The following SLC4A7 variants were observed in gnomAD, a reference collection of about 807,000 sequenced individuals.
SLC4A7 encodes sodium bicarbonate cotransporter 3.
SLC4A7 carries 51 observed loss-of-function variants against 137.6 expected under a neutral mutation model. The ratio of observed to expected loss-of-function variants is 0.37; its 90% CI spans 0.30 to 0.47. The LOEUF (loss-of-function observed/expected upper bound fraction) is 0.47, where lower values mean the gene tolerates loss of function less well. Ranked by LOEUF, SLC4A7 falls within the 20% of genes least tolerant of loss-of-function variation. The pLI is 1.00. For synonymous variants in SLC4A7, 542 were observed against 518.6 expected (o/e 1.05, Z -0.61); for missense variants, 1,247 against 1,525.4 (o/e 0.82, Z 3.04).
intron 14 of SLC4A7, 49 bp from the exon 15 acceptor site, chr3:27,403,433 T>C: frequency 7.3e-7 from 1 of 1,365,488 alleles, no homozygotes; most frequent in Admixed American, 2.4e-5. Flanking sequence ...TGGAATAGTA[T>C]TTGTACCTAA....
chr3:27,435,795 C>T lies in SLC4A7; in HGVS notation c.589+593G>A, dbSNP rs563188529. ...GACGGAGACTGCAGTAAGCCAAGAT[C>T]GTGCCACTGCACTCCATCCAGCCTG... On this transcript the variant is annotated intron_variant, in intron 5 of 25. Coordinates refer to ENST00000454389, the MANE Select transcript of SLC4A7 (RefSeq NM_001321103.2). 4.0e-4 allele frequency among the ~76,000 whole-genome samples: 61 copies of T among 152,240 alleles called. 1 individual carries two copies. The South Asian group carries it at 8.7e-3, about 22-fold the overall frequency.
chr3:27,399,444 T>C (rs2052533200), intron 16 of SLC4A7, among the ~76,000 whole-genome samples: 1 of 152,154 alleles, frequency 6.6e-6, no homozygotes, highest in South Asian at 2.1e-4. Flanking sequence ...TTTCTTTTAT[T>C]TGTTTTTAGA....
chr3:27,456,651 A>T (rs2058428653), intron 1 of SLC4A7: 1 of 1,581,022 alleles, frequency 6.3e-7, no homozygotes, highest in African/African-American at 1.3e-5. Context: ...AGGTACATAC[A>T]GGTAACTTCT....
At chr3:27,392,230 A>G (rs1264552570) in intron 20 of SLC4A7, among the ~76,000 whole-genome samples, 1 of 152,240 alleles carries the variant, frequency 6.6e-6, no homozygotes, top group East Asian at 1.9e-4. Context: ...ATTAAGCAGT[A>G]GCCTTTACTG....
chr3:27,376,825 ACACT>A lies in SLC4A7; in HGVS notation c.3715_3718del (p.Ser1239Ter). On this transcript the variant is annotated frameshift_variant, in exon 26 of 26. Coordinates refer to ENST00000454389, the MANE Select transcript of SLC4A7 (RefSeq NM_001321103.2). LOFTEE classifies it high-confidence loss of function. ...TGGTTCATCTTCAAAACTTATTTTC[ACACT>A]CACAGGTTTATCAGGACTATTTAAA... 3 of 1,589,376 alleles carry A rather than the reference ACACT, an allele frequency of 1.9e-6. No homozygotes were observed. Among genetic ancestry groups the A allele is most frequent in the Non-Finnish European group, 2.6e-6 (3 of 1,161,768 alleles).
intron 1 of SLC4A7, among the ~76,000 whole-genome samples, chr3:27,461,146 A>G (rs1352256821): frequency 6.6e-6 from 1 of 152,160 alleles, no homozygotes; most frequent in Non-Finnish European, 1.5e-5. Flanking sequence ...ACAAAAAAAC[A>G]AAATTATCTT....
At chr3:27,471,627 C>T (rs888658320) in intron 1 of SLC4A7, among the ~76,000 whole-genome samples, 1 of 152,196 alleles carries the variant, frequency 6.6e-6, no homozygotes, top group African/African-American at 2.4e-5. Flanking sequence ...CCACCTCGGC[C>T]TCCCAAAGTG....
intron 3 of SLC4A7, among the ~76,000 whole-genome samples, chr3:27,447,731 G>C (rs962146889): frequency 1.4e-5 from 2 of 142,044 alleles, no homozygotes; most frequent in South Asian, 2.3e-4. Context: ...TCAGATAACA[G>C]TCTTGTTCCT....
At chr3:27,455,438 C>A (rs892378733) in intron 1 of SLC4A7, among the ~76,000 whole-genome samples, 1 of 152,104 alleles carries the variant, frequency 6.6e-6, no homozygotes, top group Non-Finnish European at 1.5e-5. Context: ...TGATGGGATA[C>A]ACACCAAATT....
At position 27,409,454 on chromosome 3, in the gene SLC4A7, G is replaced by C; in HGVS notation, c.1843C>G (p.Leu615Val). The C allele has an allele frequency of 6.2e-7, 1 of 1,613,794 alleles. No individual in the cohort carries two copies. Among genetic ancestry groups the C allele is most frequent in the Non-Finnish European group, 8.5e-7 (1 of 1,179,756 alleles). Residue 615 changes from leucine to valine, a missense_variant, in exon 13 of 26, where the codon CTG becomes GTG. This residue lies in a region of SLC4A7 where 499 missense variants were observed against 664.2 expected (regional missense o/e 0.75). Transcript: ENST00000454389. ...FLSDFKDALSLQCLASILFLY... is the reference protein window; with the variant it reads ...FLSDFKDALSVQCLASILFLY... ...AAAAGAATCGAGGCCAGGCACTGCA[G>C]GCTTAATGCATCCTTGAAGTCACTC...
intron 6 of SLC4A7, 116 bp from the exon 7 acceptor site, chr3:27,431,785 CAA>C (rs1273166209): frequency 2.9e-6 from 3 of 1,036,732 alleles, no homozygotes; most frequent in African/African-American, 1.6e-5. Flanking sequence ...CCCAAAATTT[CAA>C]AGTCATGTGA....
At chr3:27,435,229 T>G (rs2056639799) in intron 5 of SLC4A7, among the ~76,000 whole-genome samples, 2 of 152,206 alleles carry the variant, frequency 1.3e-5, no homozygotes, top group Admixed American at 6.5e-5. Context: ...TCAAATTCAT[T>G]ACTACCAAAG....
At chr3:27,455,972 T>C (rs2058383670) in intron 1 of SLC4A7, among the ~76,000 whole-genome samples, 1 of 152,228 alleles carries the variant, frequency 6.6e-6, no homozygotes, top group South Asian at 2.1e-4. Context: ...AATCTAGTTT[T>C]GTTAGAAACA....
At chr3:27,481,189 A>G (rs556920949) in intron 1 of SLC4A7, among the ~76,000 whole-genome samples, 64 of 152,338 alleles carry the variant, frequency 4.2e-4, no homozygotes, top group Admixed American at 3.1e-3. Context: ...AAAGACTCAC[A>G]AATCAATTCC....
intron 13 of SLC4A7, among the ~76,000 whole-genome samples, chr3:27,407,238 T>C (rs2053460584): frequency 6.6e-6 from 1 of 151,690 alleles, no homozygotes; most frequent in African/African-American, 2.4e-5. Flanking sequence ...TCCCAGCACT[T>C]TGGGAGGCTG....
chr3:27,418,346 G>T, intron 11 of SLC4A7, 140 bp downstream of exon 11: 1 of 638,510 alleles, frequency 1.6e-6, no homozygotes, highest in Non-Finnish European at 2.7e-6. Flanking sequence ...TCCACCCACA[G>T]GAGGTAAGTA....
chr3:27,426,706 C>T (rs773155998), intron 7 of SLC4A7, among the ~76,000 whole-genome samples: 6 of 152,180 alleles, frequency 3.9e-5, no homozygotes, highest in Non-Finnish European at 5.9e-5. Context: ...CATGGCTAAC[C>T]TGGTCATCTT....
intron 3 of SLC4A7, among the ~76,000 whole-genome samples, chr3:27,442,611 A>G (rs2057288364): frequency 6.6e-6 from 1 of 152,074 alleles, no homozygotes; most frequent in African/African-American, 2.4e-5. Context: ...GGGTTTCACT[A>G]TGTTGCCCAG....
intron 24 of SLC4A7, 68 bp downstream of exon 24, chr3:27,383,085 G>T: frequency 2.3e-6 from 2 of 886,862 alleles, no homozygotes; most frequent in Non-Finnish European, 1.9e-6. Context: ...CTTTAAAGAA[G>T]CATTATATGA....
Sources: gnomAD v4.1 joint callset for allele counts (sites outside exome capture counted in the v4.1 genomes callset) on GRCh38, gnomAD v4.1.1 for gene constraint, gnomAD v4.1.1 regional missense constraint, MANE v1.5 for transcripts, NCBI Gene and HGNC (gene_info 2026-07-23, HGNC 2026-07-21) for gene names.